TENM1: variants seen among roughly 807,000 people sequenced by gnomAD.
TENM1 encodes the protein teneurin-1.
A neutral mutation model predicts 174.8 loss-of-function variants in TENM1; 35 were observed. The ratio of observed to expected loss-of-function variants is 0.20; its 90% CI spans 0.15 to 0.27. The LOEUF (loss-of-function observed/expected upper bound fraction) is 0.27, where lower values mean the gene tolerates loss of function less well. TENM1 is among the 10% of genes least tolerant of loss of function. The pLI, the probability that TENM1 is intolerant of heterozygous loss-of-function variation, is 1.00. For missense variants in TENM1, 1,633 were observed against 2,130.1 expected (o/e 0.77, Z 4.59); for synonymous variants, 781 against 798.7 (o/e 0.98, Z 0.37).
chrX:124,538,129 G>C (rs1353353247), intron 15 of TENM1, among the ~76,000 whole-genome samples: 2 of 111,974 alleles, frequency 1.8e-5, no homozygotes. Context: ...ATAAATCTGG[G>C]AACCTTCTGC....
intron 20 of TENM1, among the ~76,000 whole-genome samples, chrX:124,487,609 T>C (rs1178515733): frequency 9.0e-6 from 1 of 111,676 alleles, no homozygotes; most frequent in Non-Finnish European, 1.9e-5. Flanking sequence ...GCCTGGAAAT[T>C]TTACTTTTAA....
chrX:124,708,315 A>C (rs759916186), intron 4 of TENM1, among the ~76,000 whole-genome samples: 1 of 111,854 alleles, frequency 8.9e-6, no homozygotes, highest in African/African-American at 3.2e-5. Context: ...CTTCAGTATC[A>C]TGAGGTTAAA....
chrX:124,747,055 G>C (rs773777112), intron 3 of TENM1, among the ~76,000 whole-genome samples: 5 of 109,713 alleles, frequency 4.6e-5, no homozygotes, highest in Non-Finnish European at 9.5e-5. Flanking sequence ...GGGAGGCTGA[G>C]GCAGGAGAAT....
At chrX:125,125,397 TTAAC>T in the TENM1 span, among the ~76,000 whole-genome samples, 2 of 112,139 alleles carry the variant, frequency 1.8e-5, no homozygotes, top group African/African-American at 6.5e-5. Flanking sequence ...AGTCCTATGA[TTAAC>T]TAAACTTTTA....
chrX:124,382,547 C>A, intron 31 of TENM1, 123 bp downstream of exon 34: 1 of 642,825 alleles, frequency 1.6e-6, no homozygotes, highest in South Asian at 3.2e-5. Context: ...TAATTGTGCA[C>A]GTTTTAGTGA....
the TENM1 span, among the ~76,000 whole-genome samples, chrX:125,056,040 A>C: frequency 4.5e-5 from 5 of 111,441 alleles, no homozygotes; most frequent in African/African-American, 9.8e-5. Context: ...AGCATAGTGC[A>C]ATCAATGTTT....
chrX:125,103,171 A>T, the TENM1 span, among the ~76,000 whole-genome samples: 1 of 112,020 alleles, frequency 8.9e-6, no homozygotes, highest in Admixed American at 9.5e-5. Flanking sequence ...TGTTGAACTT[A>T]TATTTCTAAT....
At chrX:124,891,763 G>A (rs1445754760) in intron 3 of TENM1, among the ~76,000 whole-genome samples, 1 of 111,631 alleles carries the variant, frequency 9.0e-6, no homozygotes, top group Non-Finnish European at 1.9e-5. Context: ...CAGAGACAGA[G>A]TTGTATATTA....
At chrX:124,859,160 A>T (rs775090830) in intron 3 of TENM1, among the ~76,000 whole-genome samples, 1 of 111,571 alleles carries the variant, frequency 9.0e-6, no homozygotes, top group Admixed American at 9.5e-5. Flanking sequence ...GCAATTAAAC[A>T]TTTTAAGGCT....
the TENM1 span, among the ~76,000 whole-genome samples, chrX:125,113,562 G>C: frequency 4.5e-5 from 5 of 111,267 alleles, no homozygotes; most frequent in Non-Finnish European, 9.4e-5. Context: ...TAAAGGGATG[G>C]AGAAATAATT....
chrX:124,391,973 A>T, intron 28 of TENM1, 79 bp downstream of exon 31: 1 of 867,782 alleles, frequency 1.2e-6, no homozygotes, highest in Non-Finnish European at 1.6e-6. Flanking sequence ...GCAGGTCCTC[A>T]CCAAGATGGA....
At chrX:124,519,386 G>A (rs1048642826) in intron 18 of TENM1, among the ~76,000 whole-genome samples, 2 of 110,907 alleles carry the variant, frequency 1.8e-5, no homozygotes, top group Non-Finnish European at 3.8e-5. Context: ...GGGCAGAGAA[G>A]AGTCATTAGT....
Position 124,741,018 on chromosome X carries a change from G to A in TENM1, c.536-3821C>T, listed in dbSNP as rs1434971707. Among the ~76,000 whole-genome samples, 3 of 111,440 alleles carry A rather than the reference G, an allele frequency of 2.7e-5. No individual in the cohort carries two copies. The East Asian group carries it at 8.5e-4, about 31-fold the overall frequency. ...AATAAATTAAGTTTTCAAATGGAAA[G>A]GTCTAATTCACATAATATACTTGGA... is the stretch of plus-strand genomic sequence containing the variant. On this transcript the variant is annotated intron_variant, in intron 3 of 31. Transcript: ENST00000422452.
chrX:124,881,989 G>A (rs1184788942), intron 3 of TENM1, among the ~76,000 whole-genome samples: 4 of 111,992 alleles, frequency 3.6e-5, no homozygotes, highest in Non-Finnish European at 7.5e-5. Flanking sequence ...TCGGCCTCCC[G>A]AAGTGCTGGG....
At chrX:124,708,941 C>T (rs1230593450) in intron 4 of TENM1, among the ~76,000 whole-genome samples, 3 of 111,233 alleles carry the variant, frequency 2.7e-5, no homozygotes, top group African/African-American at 6.6e-5. Context: ...ATTTATTGAG[C>T]GCCTAGATGG....
intron 11 of TENM1, among the ~76,000 whole-genome samples, chrX:124,577,216 C>T (rs2049188131): frequency 9.0e-6 from 1 of 111,287 alleles, no homozygotes; most frequent in Admixed American, 9.6e-5. Context: ...CGGTGGTAGG[C>T]TTCTGCATCC....
chrX:124,773,437 A>C (rs757125098), intron 3 of TENM1, among the ~76,000 whole-genome samples: 5 of 110,252 alleles, frequency 4.5e-5, no homozygotes, highest in South Asian at 3.9e-4. Context: ...AAAAAAAAAA[A>C]CATGTAAAAA....
At chrX:125,044,999 A>G in the TENM1 span, among the ~76,000 whole-genome samples, 2 of 111,797 alleles carry the variant, frequency 1.8e-5, no homozygotes, top group Admixed American at 9.5e-5. Context: ...AAATTTATAA[A>G]GGAAAGAGGT....
chrX:124,643,994 A>T (rs2051083429), intron 10 of TENM1, among the ~76,000 whole-genome samples: 1 of 99,895 alleles, frequency 1.0e-5, no homozygotes, highest in African/African-American at 3.6e-5. Flanking sequence ...TAACTCAGAA[A>T]CTCCAGTGCC....
Sources: gnomAD v4.1 joint callset for allele counts (sites outside exome capture counted in the v4.1 genomes callset) on GRCh38, gnomAD v4.1.1 for gene constraint, MANE v1.5 for transcripts, NCBI Gene and HGNC (gene_info 2026-07-23, HGNC 2026-07-21) for gene names.